Variants in PHF24 observed in about 807,000 individuals in gnomAD.
PHF24 encodes the protein Galpha inhibitory interacting protein.
PHF24 carries 25 observed loss-of-function variants against 42.6 expected under a neutral mutation model. The ratio of observed to expected loss-of-function variants is 0.59; its 90% CI spans 0.43 to 0.82. The LOEUF is 0.82. Ranked by LOEUF, PHF24 falls within the 40% of genes least tolerant of loss-of-function variation. The pLI, the probability that PHF24 is intolerant of heterozygous loss-of-function variation, is 0.00. For synonymous variants in PHF24, 185 were observed against 204.8 expected, an observed-to-expected ratio of 0.90 and a Z score of 0.83; for missense variants, 470 against 538.1, an observed-to-expected ratio of 0.87 and a Z score of 1.25.
At chr9:34,959,788 G>A (rs1297683589) in intron 1 of PHF24, among the ~76,000 whole-genome samples, 6 of 152,142 alleles carry the variant, frequency 3.9e-5, no homozygotes, top group Non-Finnish European at 8.8e-5. Flanking sequence ...GATCTAGGGG[G>A]ACCCTTCTGC....
chr9:34,665,868 C>G, the PHF24 span: 1 of 590,222 alleles, frequency 1.7e-6, no homozygotes, highest in East Asian at 2.8e-5. Context: ...GTGAGGAGGC[C>G]GGTCATCTCC....
At chr9:34,896,567 G>A in the PHF24 span, among the ~76,000 whole-genome samples, 1 of 152,156 alleles carries the variant, frequency 6.6e-6, no homozygotes, top group Non-Finnish European at 1.5e-5. Flanking sequence ...TGAGTTATTG[G>A]CAAAACTTTC....
At chr9:34,728,707 A>AT in the PHF24 span, 1 of 1,497,572 alleles carries the variant, frequency 6.7e-7, no homozygotes, top group Non-Finnish European at 9.1e-7. Context: ...TTTCTTTCTC[A>AT]TGTCCAAAAT....
chr9:34,681,824 A>G, the PHF24 span, among the ~76,000 whole-genome samples: 110 of 152,254 alleles, frequency 7.2e-4, no homozygotes, highest in East Asian at 0.018. Context: ...AAAGAAGAAG[A>G]AGAAAAAAAA....
Position 34,968,920 on chromosome 9 carries a change from G to A in PHF24, c.-4-2375G>A, listed in dbSNP as rs188181351. Among the ~76,000 whole-genome samples, 159 of 152,302 alleles carry A rather than the reference G, an allele frequency of 1.0e-3. 1 individual carries two copies. The highest frequency in any genetic ancestry group is 1.9e-3 in the Non-Finnish European group (129 of 68,028). ...TGAAGGTAAGTGCCCAGAGCAGAAG[G>A]GCATGGTGCTGTGAGCACTCCGACC... On this transcript the variant is annotated intron_variant, in intron 1 of 7. Transcript: ENST00000242315.
chr9:34,836,122 C>A, the PHF24 span: 2 of 466,704 alleles, frequency 4.3e-6, no homozygotes, highest in South Asian at 3.3e-5. Context: ...TGTGGGCTAG[C>A]GTTGGCATTG....
the PHF24 span, among the ~76,000 whole-genome samples, chr9:34,931,272 A>C: frequency 2.0e-5 from 3 of 148,492 alleles, no homozygotes; most frequent in Admixed American, 6.8e-5. Context: ...GCTACTCGGG[A>C]GGCTGAGGCA....
the PHF24 span, among the ~76,000 whole-genome samples, chr9:34,882,947 T>C: frequency 1.3e-5 from 2 of 152,190 alleles, no homozygotes; most frequent in African/African-American, 4.8e-5. Flanking sequence ...GGCATCACGC[T>C]ACCTGACTTC....
At chr9:34,877,434 C>T in the PHF24 span, among the ~76,000 whole-genome samples, 2 of 152,016 alleles carry the variant, frequency 1.3e-5, no homozygotes, top group African/African-American at 4.8e-5. Context: ...TTCTCAGAGA[C>T]AGAAAGTGGA....
the PHF24 span, among the ~76,000 whole-genome samples, chr9:34,866,816 T>C: frequency 6.6e-6 from 1 of 152,304 alleles, no homozygotes; most frequent in East Asian, 1.9e-4. Context: ...GTAACTTACA[T>C]GCTATTTTTA....
chr9:34,908,913 T>C, the PHF24 span, among the ~76,000 whole-genome samples: 5 of 150,972 alleles, frequency 3.3e-5, no homozygotes, highest in African/African-American at 9.7e-5. Flanking sequence ...AGTGGTGCGA[T>C]CTTGGCTCAC....
chr9:34,836,605 G>A, the PHF24 span, among the ~76,000 whole-genome samples: 11 of 152,260 alleles, frequency 7.2e-5, no homozygotes, highest in Admixed American at 5.9e-4. Context: ...TAAGATGATA[G>A]GCTCCTGTCT....
the PHF24 span, chr9:34,729,345 A>G: frequency 6.4e-7 from 1 of 1,551,930 alleles, no homozygotes; most frequent in South Asian, 1.2e-5. Context: ...CACTTGCCAG[A>G]TAATTACAAT....
At chr9:34,978,222 A>G in exon 8 of PHF24, 1 of 788,778 alleles carries the variant, frequency 1.3e-6, no homozygotes, top group Non-Finnish European at 2.1e-6. Context: ...GGACACTGCC[A>G]GCGTCTTAAC....
At chr9:34,795,544 A>G in the PHF24 span, among the ~76,000 whole-genome samples, 1 of 152,222 alleles carries the variant, frequency 6.6e-6, no homozygotes, top group Non-Finnish European at 1.5e-5. Context: ...GTAAAATTCT[A>G]TGGAAATATT....
chr9:34,704,917 C>G, the PHF24 span, among the ~76,000 whole-genome samples: 6 of 152,298 alleles, frequency 3.9e-5, no homozygotes, highest in Middle Eastern at 3.4e-3. Context: ...ATTGTTAGAA[C>G]ATAGTGATAA....
At chr9:34,947,708 AGTGATATTAAT>A in the PHF24 span, among the ~76,000 whole-genome samples, 2 of 152,220 alleles carry the variant, frequency 1.3e-5, no homozygotes, top group Non-Finnish European at 2.9e-5. Context: ...GGTGGAAGGC[AGTGATATTAAT>A]GATCCTGACT....
chr9:34,783,327 G>C, the PHF24 span, among the ~76,000 whole-genome samples: 18 of 152,168 alleles, frequency 1.2e-4, no homozygotes, highest in Non-Finnish European at 2.2e-4. Context: ...TCTCTTCTCC[G>C]GACTCTTAAT....
chr9:34,765,418 CTCT>C, the PHF24 span, among the ~76,000 whole-genome samples: 2 of 150,354 alleles, frequency 1.3e-5, no homozygotes, highest in African/African-American at 2.4e-5. Flanking sequence ...GGATAGTTAG[CTCT>C]TCTTGTTGAA....
Sources: gnomAD v4.1 joint callset for allele counts (sites outside exome capture counted in the v4.1 genomes callset) on GRCh38, gnomAD v4.1.1 for gene constraint, MANE v1.5 for transcripts, NCBI Gene and HGNC (gene_info 2026-07-23, HGNC 2026-07-21) for gene names.